LRRTM4: variants seen among roughly 807,000 people sequenced by gnomAD.
The protein encoded by LRRTM4 is leucine-rich repeat transmembrane neuronal protein 4.
LRRTM4 carries 25 observed loss-of-function variants against 47.6 expected under a neutral mutation model. That is an observed-to-expected ratio of 0.53 (90% CI 0.38 to 0.73). LRRTM4 has a LOEUF of 0.73. Ranked by LOEUF, LRRTM4 falls within the 30% of genes least tolerant of loss-of-function variation. LRRTM4 has a pLI of 0.00. For missense variants in LRRTM4, 638 were observed against 713.4 expected (o/e 0.89, Z 1.20); for synonymous variants, 311 against 269.5 (o/e 1.15, Z -1.51).
chr2:76,748,761 G>A lies in LRRTM4; in HGVS notation c.1707C>T (p.His569=), dbSNP rs1329052012. Residue 569 remains histidine (H), a synonymous_variant, in exon 4 of 4, where the codon CAC becomes CAT. Transcript: ENST00000409884. ...ACCTGGCGATGGTGGCGATGAAGCT[G>A]TGGTCTCGGCCCAGCTCCAGGCCGG... ...ESPGLELGRD[H]SFIATIARSA... is the part of the protein sequence containing the mutation. 1 of 1,613,844 alleles carries A rather than the reference G, an allele frequency of 6.2e-7. No homozygotes were observed. Among genetic ancestry groups the A allele is most frequent in the Non-Finnish European group, 8.5e-7 (1 of 1,179,902 alleles).
At chr2:77,023,174 C>T (rs1678333965) in intron 3 of LRRTM4, among the ~76,000 whole-genome samples, 1 of 152,316 alleles carries the variant, frequency 6.6e-6, no homozygotes, top group East Asian at 1.9e-4. Context: ...AGCCCAAGCT[C>T]TATGTTGGCC....
chr2:77,053,745 T>C (rs960357643), intron 3 of LRRTM4, among the ~76,000 whole-genome samples: 2 of 151,820 alleles, frequency 1.3e-5, no homozygotes, highest in Non-Finnish European at 2.9e-5. Context: ...GGTCACAATA[T>C]AAAACTGAAA....
Position 76,975,602 on chromosome 2 carries a change from A to G in LRRTM4, c.1552-226686T>C, listed in dbSNP as rs192588794. On this transcript the variant is annotated intron_variant, in intron 3 of 3. Coordinates refer to ENST00000409884, the MANE Select transcript of LRRTM4 (RefSeq NM_001134745.3). ...CATATGTTCAAAATAAAAGAAAATA[A>G]TCATACCTCCAACAGCCAGAAGATG... is the stretch of plus-strand genomic sequence containing the variant. 3.5e-3 allele frequency among the ~76,000 whole-genome samples: 526 copies of G among 151,818 alleles called. 1 individual carries two copies. Among genetic ancestry groups the G allele is most frequent in the African/African-American group, 0.01 (431 of 41,522 alleles).
At chr2:77,443,789 T>C (rs1675938780) in intron 3 of LRRTM4, among the ~76,000 whole-genome samples, 1 of 152,158 alleles carries the variant, frequency 6.6e-6, no homozygotes, top group Admixed American at 6.6e-5. Context: ...ACAGTTGATA[T>C]GAAATTATTG....
chr2:77,434,873 A>T lies in LRRTM4; in HGVS notation c.1551+83445T>A, dbSNP rs373013177. Among the ~76,000 whole-genome samples the T allele has an allele frequency of 2.2e-3, 336 of 152,222 alleles. 1 individual carries two copies. The highest frequency in any genetic ancestry group is 8.0e-3 in the African/African-American group (331 of 41,530). On this transcript the variant is annotated intron_variant, in intron 3 of 3. Coordinates refer to ENST00000409884, the MANE Select transcript of LRRTM4 (RefSeq NM_001134745.3). The stretch of plus-strand genomic sequence containing the variant: ...ACACCAAATAACTATGACCATAAAG[A>T]TGGATAGTGATGTTGGTGAGTGAAT...
At chr2:77,019,305 C>G (rs946111911) in intron 3 of LRRTM4, among the ~76,000 whole-genome samples, 1 of 150,028 alleles carries the variant, frequency 6.7e-6, no homozygotes, top group African/African-American at 2.5e-5. Flanking sequence ...TGTATTGACC[C>G]TGCTTACTGA....
rs796504861 is a variant in LRRTM4, at chr2:77,321,584, AAAG to A, written c.1551+196731_1551+196733del. On this transcript the variant is annotated intron_variant, in intron 3 of 3. Transcript: ENST00000409884. The stretch of plus-strand genomic sequence containing the variant: ...GGGGTGTGTGAAAGAAAAGAAAAGA[AAAG>A]AAAAGAAAAAAGAAATGAATTGCCA... Among the ~76,000 whole-genome samples the A allele has an allele frequency of 1.5e-3, 139 of 90,414 alleles. 2 individuals carry two copies. The highest frequency in any genetic ancestry group is 0.011 in the African/African-American group (112 of 10,484). The allele number at this position is 90,414 out of a possible 152,430, so 59.3% of individuals were successfully genotyped here. A position where few individuals can be genotyped will look rare whatever the true frequency, so the allele number is the denominator to read the frequency against.
intron 3 of LRRTM4, among the ~76,000 whole-genome samples, chr2:77,411,759 C>T (rs190467372): frequency 4.0e-5 from 6 of 151,476 alleles, no homozygotes; most frequent in Non-Finnish European, 5.9e-5. Context: ...TGTAAGCCAC[C>T]GCGCCCGGCC....
chr2:77,444,007 G>C (rs1247731002), intron 3 of LRRTM4, among the ~76,000 whole-genome samples: 2 of 152,072 alleles, frequency 1.3e-5, no homozygotes, highest in African/African-American at 4.8e-5. Context: ...CACACCATAA[G>C]AGCTTTATTT....
chr2:77,251,539 T>C (rs1194246351), intron 3 of LRRTM4, among the ~76,000 whole-genome samples: 2 of 152,128 alleles, frequency 1.3e-5, no homozygotes, highest in Non-Finnish European at 2.9e-5. Flanking sequence ...TAAAGCTAGC[T>C]ATGTATCATA....
intron 3 of LRRTM4, among the ~76,000 whole-genome samples, chr2:77,103,667 A>ATATATATATCTC (rs145819033): frequency 6.8e-6 from 1 of 146,274 alleles, no homozygotes; most frequent in Admixed American, 6.8e-5. Context: ...ATATATAGAT[A>ATATATATATCTC]TATATATCAC....
At chr2:77,202,719 G>A (rs971168267) in intron 3 of LRRTM4, among the ~76,000 whole-genome samples, 1 of 151,482 alleles carries the variant, frequency 6.6e-6, no homozygotes, top group Non-Finnish European at 1.5e-5. Context: ...AAAGGTCTTA[G>A]GCCAGTTCCA....
chr2:77,449,175 C>T (rs1255217129), intron 3 of LRRTM4, among the ~76,000 whole-genome samples: 1 of 152,112 alleles, frequency 6.6e-6, no homozygotes, highest in Admixed American at 6.6e-5. Flanking sequence ...GTTTAACCAA[C>T]ATGAATATGC....
chr2:77,191,612 C>T (rs1248429387), intron 3 of LRRTM4, among the ~76,000 whole-genome samples: 1 of 151,450 alleles, frequency 6.6e-6, no homozygotes, highest in East Asian at 1.9e-4. Flanking sequence ...TTATAAGAAA[C>T]ACTATATATG....
chr2:77,183,420 G>C (rs1673406413), intron 3 of LRRTM4, among the ~76,000 whole-genome samples: 1 of 152,114 alleles, frequency 6.6e-6, no homozygotes, highest in Admixed American at 6.6e-5. Context: ...TCATTAAAAA[G>C]TCAGGAAACA....
chr2:77,495,258 C>T (rs1307217050), intron 3 of LRRTM4, among the ~76,000 whole-genome samples: 1 of 152,094 alleles, frequency 6.6e-6, no homozygotes, highest in Non-Finnish European at 1.5e-5. Context: ...TACATCCCTA[C>T]TAGCAATATA....
intron 3 of LRRTM4, among the ~76,000 whole-genome samples, chr2:77,159,728 G>A (rs1313715199): frequency 1.3e-5 from 2 of 151,890 alleles, no homozygotes; most frequent in African/African-American, 4.8e-5. Context: ...GGAAGAGGAG[G>A]CAAGAGAAGC....
At chr2:76,920,736 T>C (rs1223961608) in intron 3 of LRRTM4, among the ~76,000 whole-genome samples, 2 of 152,066 alleles carry the variant, frequency 1.3e-5, no homozygotes, top group East Asian at 3.9e-4. Flanking sequence ...CCAGAACAAC[T>C]TATAGTGCAT....
chr2:77,278,022 G>C (rs911662616), intron 3 of LRRTM4, among the ~76,000 whole-genome samples: 2 of 151,908 alleles, frequency 1.3e-5, no homozygotes, highest in African/African-American at 4.8e-5. Flanking sequence ...AACTGCTGCT[G>C]CAAAGTCACA....
Sources: allele counts gnomAD v4.1 joint callset (sites outside exome capture counted in the v4.1 genomes callset), GRCh38; gene constraint gnomAD v4.1.1; transcripts MANE v1.5; gene names NCBI Gene and HGNC (gene_info 2026-07-23, HGNC 2026-07-21).